Variants in JAZF1 observed in about 807,000 individuals in gnomAD.
JAZF1 encodes the protein JAZF zinc finger 1, also known as juxtaposed with another zinc finger protein 1.
In JAZF1, 8 loss-of-function variants were observed where a neutral mutation model predicts 26.4. The ratio of observed to expected loss-of-function variants is 0.30; its 90% confidence interval spans 0.18 to 0.55. The LOEUF is 0.55. Ranked by LOEUF, JAZF1 falls within the 20% of genes least tolerant of loss-of-function variation. The pLI is 0.94. For synonymous variants in JAZF1, 126 were observed against 122.3 expected (o/e 1.03, Z -0.20); for missense variants, 199 against 322.0 (o/e 0.62, Z 2.92).
chr7:27,924,688 T>C (rs1028114895), intron 2 of JAZF1, among the ~76,000 whole-genome samples: 1 of 152,246 alleles, frequency 6.6e-6, no homozygotes, highest in African/African-American at 2.4e-5. Context: ...AGAAGGCAGC[T>C]AATGCTATTT....
intron 1 of JAZF1, among the ~76,000 whole-genome samples, chr7:28,053,971 T>TC (rs1226204518): frequency 6.6e-6 from 1 of 152,200 alleles, no homozygotes; most frequent in Non-Finnish European, 1.5e-5. Context: ...GTCTTTATGC[T>TC]CCTTCCAGGA....
At chr7:27,943,658 C>A (rs1562536174) in intron 2 of JAZF1, among the ~76,000 whole-genome samples, 1 of 152,128 alleles carries the variant, frequency 6.6e-6, no homozygotes. Flanking sequence ...AATTTCTTTC[C>A]AGGGGTACTC....
chr7:28,042,586 T>C (rs1231980897), intron 1 of JAZF1, among the ~76,000 whole-genome samples: 1 of 152,216 alleles, frequency 6.6e-6, no homozygotes, highest in African/African-American at 2.4e-5. Flanking sequence ...TTTAAAACAT[T>C]GTTGTCTTGG....
At chr7:28,142,071 G>C (rs1782967100) in intron 1 of JAZF1, among the ~76,000 whole-genome samples, 1 of 152,138 alleles carries the variant, frequency 6.6e-6, no homozygotes, top group African/African-American at 2.4e-5. Context: ...CAAGGTATAT[G>C]ATTAAATGAA....
chr7:27,985,006 G>C (rs1785670074), intron 2 of JAZF1, among the ~76,000 whole-genome samples: 1 of 152,172 alleles, frequency 6.6e-6, no homozygotes, highest in Non-Finnish European at 1.5e-5. Flanking sequence ...AAGCAGGAAA[G>C]ATCCAAAATT....
intron 2 of JAZF1, among the ~76,000 whole-genome samples, chr7:27,901,974 T>TA (rs1321981452): frequency 6.6e-6 from 1 of 152,228 alleles, no homozygotes; most frequent in African/African-American, 2.4e-5. Context: ...CTCACATGTA[T>TA]AAATAGGCCT....
chr7:28,041,331 T>C (rs762695470), intron 1 of JAZF1, among the ~76,000 whole-genome samples: 2 of 152,172 alleles, frequency 1.3e-5, no homozygotes, highest in Non-Finnish European at 2.9e-5. Flanking sequence ...CAAATGATTA[T>C]ACCTCCTTGC....
intron 3 of JAZF1, among the ~76,000 whole-genome samples, chr7:27,874,745 G>A (rs1164491011): frequency 1.3e-5 from 2 of 152,312 alleles, no homozygotes; most frequent in Non-Finnish European, 2.9e-5. Flanking sequence ...ATCGCTAGCA[G>A]CCTGCTGGAC....
intron 2 of JAZF1, among the ~76,000 whole-genome samples, chr7:27,923,120 C>G (rs1241330499): frequency 1.3e-5 from 2 of 152,190 alleles, no homozygotes; most frequent in African/African-American, 4.8e-5. Flanking sequence ...TGGTGACATT[C>G]TAAGACCATG....
intron 3 of JAZF1, among the ~76,000 whole-genome samples, chr7:27,862,066 G>A (rs915290318): frequency 6.6e-6 from 1 of 152,200 alleles, no homozygotes; most frequent in African/African-American, 2.4e-5. Context: ...GAGTTAGGGA[G>A]GATACAGAGG....
intron 1 of JAZF1, among the ~76,000 whole-genome samples, chr7:28,015,593 G>A (rs1348159226): frequency 6.6e-6 from 1 of 152,098 alleles, no homozygotes; most frequent in Non-Finnish European, 1.5e-5. Flanking sequence ...ATTATTTTCT[G>A]TATGTTTAAA....
At chr7:28,079,524 T>C (rs10486576) in intron 1 of JAZF1, among the ~76,000 whole-genome samples, 21,099 of 152,174 alleles carry the variant, frequency 0.14, 2,105 homozygotes, top group East Asian at 0.43. Flanking sequence ...GGGAATTCAT[T>C]ATGAGAAATC....
At chr7:28,170,196 G>A (rs530285226) in intron 1 of JAZF1, among the ~76,000 whole-genome samples, 7 of 152,294 alleles carry the variant, frequency 4.6e-5, no homozygotes, top group African/African-American at 1.7e-4. Context: ...GCTGAGGCAG[G>A]AGGATCGCTG....
At chr7:27,994,453 A>C (rs1457865703) in intron 1 of JAZF1, among the ~76,000 whole-genome samples, 2 of 34,282 alleles carry the variant, frequency 5.8e-5, no homozygotes, top group African/African-American at 9.0e-5. Flanking sequence ...AAAAAAAAAA[A>C]ACAAAAAACA....
chr7:28,035,776 C>G (rs1459966907), intron 1 of JAZF1, among the ~76,000 whole-genome samples: 1 of 152,212 alleles, frequency 6.6e-6, no homozygotes, highest in Non-Finnish European at 1.5e-5. Flanking sequence ...TCTGGGTTTT[C>G]AAAACCCAGC....
At chr7:27,949,090 C>G (rs946749345) in intron 2 of JAZF1, among the ~76,000 whole-genome samples, 1 of 152,194 alleles carries the variant, frequency 6.6e-6, no homozygotes, top group Non-Finnish European at 1.5e-5. Flanking sequence ...CCCTTTGCAT[C>G]CTTGTCTAGA....
chr7:27,992,339 C>T (rs1785923931), intron 1 of JAZF1: 1 of 385,442 alleles, frequency 2.6e-6, no homozygotes, highest in Non-Finnish European at 5.2e-6. Flanking sequence ...ATTATGCTCA[C>T]TTCAATGCTG....
At chr7:27,945,618 C>G (rs1238134574) in intron 2 of JAZF1, among the ~76,000 whole-genome samples, 1 of 152,216 alleles carries the variant, frequency 6.6e-6, no homozygotes, top group East Asian at 1.9e-4. Flanking sequence ...TCACCATGCC[C>G]TTGCTGGGAG....
intron 1 of JAZF1, among the ~76,000 whole-genome samples, chr7:28,136,995 G>A (rs541812829): frequency 1.9e-4 from 29 of 152,292 alleles, no homozygotes; most frequent in Non-Finnish European, 3.4e-4. Context: ...TGCTTATGCC[G>A]TGCCAGACCC....
Sources: gnomAD v4.1 joint callset for allele counts (sites outside exome capture counted in the v4.1 genomes callset) on GRCh38, gnomAD v4.1.1 for gene constraint, MANE v1.5 for transcripts, NCBI Gene and HGNC (gene_info 2026-07-23, HGNC 2026-07-21) for gene names.